LRP1: variants seen among roughly 807,000 people sequenced by gnomAD.
LRP1 encodes prolow-density lipoprotein receptor-related protein 1.
Under a neutral mutation model 541.5 loss-of-function variants are expected in LRP1, and 51 were observed. The ratio of observed to expected loss-of-function variants is 0.09; its 90% CI spans 0.08 to 0.12. The LOEUF (loss-of-function observed/expected upper bound fraction) is 0.12. Ranked by LOEUF, LRP1 falls within the 10% of genes least tolerant of loss-of-function variation. The pLI is 1.00. For missense variants in LRP1, 3,878 were observed against 6,376.2 expected, an observed-to-expected ratio of 0.61 and a Z score of 13.34; for synonymous variants, 2,219 against 2,470.8, an observed-to-expected ratio of 0.90 and a Z score of 3.02.
chr12:57,130,244 C>T (rs2035010375), intron 1 of LRP1, among the ~76,000 whole-genome samples: 1 of 152,178 alleles, frequency 6.6e-6, no homozygotes, highest in African/African-American at 2.4e-5. Context: ...TACACCCCCT[C>T]CTCTGTCTTG....
In LRP1 at chr12:57,138,354, G is replaced by A. The variant is rs1054395310; in HGVS notation, c.68-105G>A. ...AGACCATGGCTGAGGGTCTGGGCCAGATGGAGACTGATGCTAGGGAAGGAA... is the reference window on the plus strand; with the variant it reads ...AGACCATGGCTGAGGGTCTGGGCCAAATGGAGACTGATGCTAGGGAAGGAA... On this transcript the variant is annotated intron_variant, in intron 1 of 88. Coordinates refer to ENST00000243077, the MANE Select transcript of LRP1 (RefSeq NM_002332.3). 1.3e-5 allele frequency: 19 copies of A among 1,412,130 alleles called. No individual in the cohort carries two copies. In the African/African-American group the frequency reaches 2.6e-4, roughly 19 times the overall value. The allele number at this position is 1,412,130 out of a possible 1,614,324, so 87.5% of individuals were successfully genotyped here. A position where few individuals can be genotyped will look rare whatever the true frequency, so the allele number is the denominator to read the frequency against.
intron 49 of LRP1, 31 bp from the exon 50 acceptor site, chr12:57,194,546 G>GC (rs1352936484): frequency 6.2e-7 from 1 of 1,612,448 alleles, no homozygotes; most frequent in South Asian, 1.1e-5. Context: ...CCTGCGGTGA[G>GC]CAGGGCCCTC....
chr12:57,134,620 T>G (rs2035115087), intron 1 of LRP1, among the ~76,000 whole-genome samples: 1 of 152,150 alleles, frequency 6.6e-6, no homozygotes, highest in Admixed American at 6.5e-5. Flanking sequence ...TGACCTCAAG[T>G]GATCCGCCCA....
chr12:57,200,456 C>G lies in LRP1; in HGVS notation c.10029C>G (p.Asn3343Lys). 6.9e-7 allele frequency: 1 copy of G among 1,457,340 alleles called. No homozygotes were observed. The highest frequency in any genetic ancestry group is 9.3e-7 in the Non-Finnish European group (1 of 1,079,690). The allele number at this position is 1,457,340 out of a possible 1,614,324, so 90.3% of individuals were successfully genotyped here. Residue 3343 changes from asparagine to lysine, a missense_variant, in exon 63 of 89, where the codon AAC becomes AAG. Physicochemically the swap from Asn to Lys is moderately conservative, Grantham distance 94 (BLOSUM62 0). Coordinates refer to ENST00000243077, the MANE Select transcript of LRP1 (RefSeq NM_002332.3). ...CTGCCCTCCAGTTTGTATGCAAGAA[C>G]GACAAGTGCATCCCCTTCTGGTGGA... Reference protein sequence around the residue: ...NCTASQFVCKNDKCIPFWWKC... With the variant: ...NCTASQFVCKKDKCIPFWWKC...
chr12:57,159,985 T>C lies in LRP1; in HGVS notation c.1959T>C (p.Ile653=). The change falls in exon 12 of 89, where the codon ATT becomes ATC. Residue 653 remains isoleucine, a synonymous_variant. Coordinates refer to ENST00000243077, the MANE Select transcript of LRP1 (RefSeq NM_002332.3). ...GCAAAATGACACACCCCAGGGCTAT[T>C]GTGGTGGATCCACTCAATGGGTGAG... ...IEGKMTHPRA[I]VVDPLNGWMY... 6.2e-7 allele frequency: 1 copy of C among 1,614,104 alleles called. No individual in the cohort carries two copies. Among genetic ancestry groups the C allele is most frequent in the Non-Finnish European group, 8.5e-7 (1 of 1,180,008 alleles).
rs1298300164 is a variant in LRP1, at chr12:57,212,534, G to C, written c.13614G>C (p.Glu4538Asp). Residue 4538 changes from glutamate to aspartate, a missense_variant, in exon 89 of 89, where the codon GAG becomes GAC. By Grantham distance (45) the Glu-to-Asp change is conservative. Coordinates refer to ENST00000243077, the MANE Select transcript of LRP1 (RefSeq NM_002332.3). The surrounding 1 kb of genome is among the most constrained non-coding windows in gnomAD (Gnocchi z 5.0). ...RELLGRGPED[E>D]IGDPLA is the part of the protein sequence containing the mutation. ...TCCTGGGCCGGGGCCCTGAGGACGA[G>C]ATAGGGGACCCCTTGGCATAGGGCC... is the stretch of plus-strand genomic sequence containing the variant. The C allele has an allele frequency of 1.2e-6, 2 of 1,611,868 alleles. No homozygotes were observed. The highest frequency in any genetic ancestry group is 2.7e-5 in the African/African-American group (2 of 74,880).
At chr12:57,191,886 C>CA (rs2036402150) in intron 44 of LRP1, among the ~76,000 whole-genome samples, 1 of 54,674 alleles carries the variant, frequency 1.8e-5, no homozygotes, top group Non-Finnish European at 4.0e-5. Flanking sequence ...CCACACACAC[C>CA]CCACACATAC....
rs562833594 is a variant in LRP1 at position 57,196,310 on chromosome 12, C to T, written c.8892+33C>T. ...CAGCCCTGGGGAGGAGCTTCCACAC[C>T]CCAGACGTGCCAGGAACGCCTTTCT... On this transcript the variant is annotated intron_variant, in intron 55 of 88. Transcript: ENST00000243077. 9.3e-6 allele frequency: 14 copies of T among 1,508,646 alleles called. No homozygotes were observed. In the East Asian group the frequency reaches 2.9e-4, roughly 31 times the overall value. The allele number at this position is 1,508,646 out of a possible 1,614,324, so 93.5% of individuals were successfully genotyped here.
In LRP1 at chr12:57,166,218, C is replaced by T. The variant is rs755551264; in HGVS notation, c.2797+9C>T. ...CAATGCCACTTGTTCAGGTGTGGAG[C>T]GGGGCTCAGATCACACGAGGCACCC... On this transcript the variant is annotated intron_variant, in intron 17 of 88. Transcript: ENST00000243077. 34 of 1,596,356 alleles carry T rather than the reference C, an allele frequency of 2.1e-5. No individual in the cohort carries two copies. The East Asian group carries it at 3.7e-4, about 17-fold the overall frequency.
Position 57,154,092 on chromosome 12 carries a change from G to C in LRP1, c.842-116G>C. 2.2e-6 allele frequency: 2 copies of C among 919,364 alleles called. No individual in the cohort carries two copies. The highest frequency in any genetic ancestry group is 3.1e-4 in the Middle Eastern group (1 of 3,272). The allele number at this position is 919,364 out of a possible 1,614,324, so 57.0% of individuals were successfully genotyped here. A position where few individuals can be genotyped will look rare whatever the true frequency, so the allele number is the denominator to read the frequency against. The stretch of plus-strand genomic sequence containing the variant: ...TCTGAGCTAAGCATGGGGGTGTTGG[G>C]TGGGAGGGCGTCCAGAGAAGGTGGG... On this transcript the variant is annotated intron_variant, in intron 6 of 88. Coordinates refer to ENST00000243077, the MANE Select transcript of LRP1 (RefSeq NM_002332.3). This position sits in a 1 kb window ranked among gnomAD's most constrained non-coding sequence, Gnocchi z 4.6.
At chr12:57,203,007 G>C (rs1482753552) in intron 68 of LRP1, 174 bp from the exon 69 acceptor site, 8 of 595,092 alleles carry the variant, frequency 1.3e-5, no homozygotes, top group Admixed American at 3.1e-5. Flanking sequence ...CCTGTGCCCA[G>C]CTGTTCCATA....
Position 57,167,433 on chromosome 12 carries a change from C to T in LRP1, c.2915-11C>T. 6.2e-7 allele frequency: 1 copy of T among 1,608,902 alleles called. No homozygotes were observed. The highest frequency in any genetic ancestry group is 8.5e-7 in the Non-Finnish European group (1 of 1,175,228). ...TGAAGGCCCTACTCAGCTACTCTTT[C>T]TTCCTCACAGCCTATCCCACCTGCT... On this transcript the variant is annotated splice_polypyrimidine_tract_variant and intron_variant, in intron 18 of 88. Transcript: ENST00000243077.
At chr12:57,159,066 G>C (rs1357206259) in intron 11 of LRP1, among the ~76,000 whole-genome samples, 1 of 152,230 alleles carries the variant, frequency 6.6e-6, no homozygotes, top group Non-Finnish European at 1.5e-5. Context: ...TGTGTCCTGA[G>C]AAAATTGTGT....
intron 20 of LRP1, 89 bp downstream of exon 20, chr12:57,169,396 T>A (rs1592627477): frequency 7.8e-7 from 1 of 1,289,988 alleles, no homozygotes; most frequent in Non-Finnish European, 1.1e-6. Context: ...AGACCCACGG[T>A]GTGTCGGCCA....
At chr12:57,133,029 A>C (rs1310343052) in intron 1 of LRP1, among the ~76,000 whole-genome samples, 1 of 152,218 alleles carries the variant, frequency 6.6e-6, no homozygotes, top group African/African-American at 2.4e-5. Context: ...GGAAGAAAGG[A>C]ACTTGATACC....
Position 57,134,508 on chromosome 12 carries a change from A to G in LRP1, c.68-3951A>G, listed in dbSNP as rs540573142. On this transcript the variant is annotated intron_variant, in intron 1 of 88. Coordinates refer to ENST00000243077, the MANE Select transcript of LRP1 (RefSeq NM_002332.3). ...ACTCCATCACCCAGACTGAAATGCA[A>G]TGGCGTGATCTCTGCTCACTGCGAC... is the stretch of plus-strand genomic sequence containing the variant. 7.9e-5 allele frequency among the ~76,000 whole-genome samples: 12 copies of G among 152,204 alleles called. 1 individual carries two copies. The South Asian group carries it at 1.7e-3, about 21-fold the overall frequency.
chr12:57,180,139 T>C lies in LRP1; in HGVS notation c.5234T>C (p.Val1745Ala), dbSNP rs1269309312. The part of the protein sequence containing the change: ...TLLFSGQKGP[V>A]GLAIDFPESK... ...CTCTTCAGTGGCCAGAAGGGCCCCG[T>C]GGGTACGAGCTTCCCTGCCCACCCC... Residue 1745 changes from valine to alanine, a missense_variant and splice_region_variant, in exon 31 of 89, where the codon GTG becomes GCG. Coordinates refer to ENST00000243077, the MANE Select transcript of LRP1 (RefSeq NM_002332.3). The C allele has an allele frequency of 1.2e-6, 2 of 1,613,468 alleles. No individual in the cohort carries two copies. Among genetic ancestry groups the C allele is most frequent in the South Asian group, 2.2e-5 (2 of 91,078 alleles).
chr12:57,175,762 G>T, intron 23 of LRP1, 57 bp downstream of exon 23: 3 of 1,551,178 alleles, frequency 1.9e-6, no homozygotes, highest in Non-Finnish European at 2.6e-6. Flanking sequence ...GAGCTGCAGT[G>T]GGTTGGGCTT....
chr12:57,182,319 T>C (rs906999813), intron 34 of LRP1, among the ~76,000 whole-genome samples: 2 of 151,970 alleles, frequency 1.3e-5, no homozygotes, highest in African/African-American at 4.8e-5. Context: ...GAGACTAGCT[T>C]GGCCAACATG....
Sources: gnomAD v4.1 joint callset for allele counts (sites outside exome capture counted in the v4.1 genomes callset) on GRCh38, gnomAD v4.1.1 for gene constraint, Gnocchi (gnomAD v3.1) non-coding constraint, MANE v1.5 for transcripts, NCBI Gene and HGNC (gene_info 2026-07-23, HGNC 2026-07-21) for gene names.